The following EPHA7 variants were observed in gnomAD, a reference collection of about 807,000 sequenced individuals.
The protein encoded by EPHA7 is EPH receptor A7.
Under a neutral mutation model 112.6 loss-of-function variants are expected in EPHA7, and 25 were observed. That is an observed-to-expected ratio of 0.22 (90% CI 0.16 to 0.31). The LOEUF is 0.31. EPHA7 is among the 10% of genes least tolerant of loss of function. The pLI, the probability that EPHA7 is intolerant of heterozygous loss-of-function variation, is 1.00. For missense variants in EPHA7, 962 were observed against 1,212.6 expected (o/e 0.79, Z 3.07); for synonymous variants, 437 against 406.5 (o/e 1.07, Z -0.90).
chr6:93,401,469 T>C (rs1778434479), intron 3 of EPHA7, among the ~76,000 whole-genome samples: 1 of 152,086 alleles, frequency 6.6e-6, no homozygotes, highest in Non-Finnish European at 1.5e-5. Context: ...GAGATTAATA[T>C]TGTAACATAT....
intron 5 of EPHA7, among the ~76,000 whole-genome samples, chr6:93,349,282 T>TA (rs1381570083): frequency 1.3e-5 from 2 of 151,894 alleles, no homozygotes; most frequent in Non-Finnish European, 2.9e-5. Flanking sequence ...CAAAAATACT[T>TA]AAATAAATTT....
chr6:93,381,242 A>G (rs971661983), intron 3 of EPHA7, among the ~76,000 whole-genome samples: 1 of 152,192 alleles, frequency 6.6e-6, no homozygotes, highest in Non-Finnish European at 1.5e-5. Flanking sequence ...TTAGTGCAAT[A>G]AGTTCTCACC....
chr6:93,389,803 A>G (rs1491003537), intron 3 of EPHA7, among the ~76,000 whole-genome samples: 1 of 152,042 alleles, frequency 6.6e-6, no homozygotes, highest in Non-Finnish European at 1.5e-5. Flanking sequence ...CTATTCAACA[A>G]TAACAACAAG....
intron 3 of EPHA7, among the ~76,000 whole-genome samples, chr6:93,390,140 A>G (rs1160984686): frequency 6.6e-6 from 1 of 151,814 alleles, no homozygotes; most frequent in Non-Finnish European, 1.5e-5. Context: ...CTGCCCCCAA[A>G]ATTCAACTTG....
chr6:93,307,915 A>T (rs1381564755), intron 5 of EPHA7, among the ~76,000 whole-genome samples: 1 of 152,216 alleles, frequency 6.6e-6, no homozygotes, highest in Non-Finnish European at 1.5e-5. Context: ...ATATCTACTT[A>T]GTTCTCAAAT....
intron 7 of EPHA7, among the ~76,000 whole-genome samples, chr6:93,266,182 T>A (rs1770926105): frequency 6.6e-6 from 1 of 151,742 alleles, no homozygotes. Flanking sequence ...CTTTTAAAAA[T>A]TTGCTTATTT....
intron 3 of EPHA7, among the ~76,000 whole-genome samples, chr6:93,365,151 T>C (rs1776445271): frequency 6.6e-6 from 1 of 152,166 alleles, no homozygotes; most frequent in Admixed American, 6.5e-5. Flanking sequence ...TAAGCACAAC[T>C]GAACATTTTC....
chr6:93,396,881 CAT>C (rs1175245936), intron 3 of EPHA7, among the ~76,000 whole-genome samples: 2 of 151,516 alleles, frequency 1.3e-5, no homozygotes, highest in South Asian at 4.2e-4. Context: ...TAATTCTAAC[CAT>C]GTTAACCCTT....
At chr6:93,370,203 C>T (rs1776720231) in intron 3 of EPHA7, among the ~76,000 whole-genome samples, 1 of 152,168 alleles carries the variant, frequency 6.6e-6, no homozygotes, top group Non-Finnish European at 1.5e-5. Context: ...AGGAAAACAA[C>T]TAAGCTGAGA....
In EPHA7 at chr6:93,356,705, C is replaced by T. The variant is rs1442063535; in HGVS notation, c.1324+12G>A. The stretch of plus-strand genomic sequence containing the variant: ...CATTATTTCATTCAGTGAAGATAAA[C>T]ACAAAACATACCTGCTTGACCAGTG... On this transcript the variant is annotated intron_variant, in intron 5 of 16. Transcript: ENST00000369303. 6.3e-7 allele frequency: 1 copy of T among 1,593,876 alleles called. No individual in the cohort carries two copies. Among genetic ancestry groups the T allele is most frequent in the South Asian group, 1.1e-5 (1 of 87,442 alleles).
chr6:93,378,361 A>T (rs1244769423), intron 3 of EPHA7, among the ~76,000 whole-genome samples: 1 of 152,142 alleles, frequency 6.6e-6, no homozygotes, highest in Non-Finnish European at 1.5e-5. Flanking sequence ...TGGAAAGATT[A>T]CTGTAGCCAT....
intron 3 of EPHA7, 122 bp from the exon 4 acceptor site, chr6:93,358,533 G>T: frequency 1.3e-6 from 1 of 767,808 alleles, no homozygotes. Context: ...AGCTCTTGAT[G>T]ATAAAATATT....
In EPHA7 at chr6:93,255,631, C is replaced by T. The variant is rs372531795; in HGVS notation, c.2382+197G>A. On this transcript the variant is annotated intron_variant, in intron 13 of 16. Transcript: ENST00000369303. Reference sequence around the variant, plus strand: ...GGGCAGTCATGTTATCAACACTTTCCTTCTTAGTCTATATATATATTGTAC... The same window carrying T: ...GGGCAGTCATGTTATCAACACTTTCTTTCTTAGTCTATATATATATTGTAC... 5.4e-4 allele frequency among the ~76,000 whole-genome samples: 82 copies of T among 152,058 alleles called. No individual in the cohort carries two copies. In the East Asian group the frequency reaches 0.011, roughly 21 times the overall value.
intron 5 of EPHA7, among the ~76,000 whole-genome samples, chr6:93,325,934 A>G (rs375066609): frequency 6.1e-4 from 92 of 151,524 alleles, no homozygotes; most frequent in South Asian, 3.7e-3. Context: ...AGATAGATGT[A>G]GTGCTGATGC....
intron 3 of EPHA7, among the ~76,000 whole-genome samples, chr6:93,380,345 C>T (rs780015954): frequency 6.6e-6 from 1 of 151,958 alleles, no homozygotes; most frequent in African/African-American, 2.4e-5. Flanking sequence ...GTATATAATA[C>T]AAAAGCAATA....
chr6:93,311,141 T>TTTTTTAA (rs1773519550), intron 5 of EPHA7, among the ~76,000 whole-genome samples: 1 of 132,208 alleles, frequency 7.6e-6, no homozygotes, highest in African/African-American at 2.9e-5. Flanking sequence ...TTTTTTTTTT[T>TTTTTTAA]ACAGAGATTG....
At chr6:93,363,001 T>A (rs1418601752) in intron 3 of EPHA7, among the ~76,000 whole-genome samples, 1 of 152,120 alleles carries the variant, frequency 6.6e-6, no homozygotes, top group African/African-American at 2.4e-5. Flanking sequence ...GGACTGATTT[T>A]TTGGAACTCT....
intron 4 of EPHA7, 126 bp downstream of exon 4, chr6:93,358,130 A>C: frequency 1.5e-6 from 1 of 678,186 alleles, no homozygotes; most frequent in Non-Finnish European, 2.0e-6. Flanking sequence ...AATATTTTAA[A>C]ATAATTTTAA....
intron 5 of EPHA7, among the ~76,000 whole-genome samples, chr6:93,338,400 T>A (rs1774979499): frequency 6.6e-6 from 1 of 152,086 alleles, no homozygotes; most frequent in South Asian, 2.1e-4. Flanking sequence ...GACTTTCAGG[T>A]ACCTTGGAAG....
Sources: allele counts gnomAD v4.1 joint callset (sites outside exome capture counted in the v4.1 genomes callset), GRCh38; gene constraint gnomAD v4.1.1; transcripts MANE v1.5; gene names NCBI Gene and HGNC (gene_info 2026-07-23, HGNC 2026-07-21).